Variants in NOPCHAP1 observed in about 807,000 individuals in gnomAD.
The protein encoded by NOPCHAP1 is DNA damage-sensitive RNA 1.
In NOPCHAP1, 13 loss-of-function variants were observed where a neutral mutation model predicts 14.0. The ratio of observed to expected loss-of-function variants is 0.93; its 90% CI spans 0.60 to 1.47. The LOEUF (loss-of-function observed/expected upper bound fraction) is 1.47. NOPCHAP1 is among the 40% of genes most tolerant of loss of function. The pLI is 0.00. For synonymous variants in NOPCHAP1, 78 were observed against 78.4 expected, an observed-to-expected ratio of 1.00 and a Z score of 0.03; for missense variants, 230 against 226.9, an observed-to-expected ratio of 1.01 and a Z score of -0.09.
Position 104,994,415 on chromosome 12 carries a change from G to A in NOPCHAP1, c.340-63G>A, listed in dbSNP as rs529299864. The A allele has an allele frequency of 5.3e-5, 74 of 1,397,978 alleles. No individual in the cohort carries two copies. The African/African-American group carries it at 9.2e-4, about 17-fold the overall frequency. The allele number at this position is 1,397,978 out of a possible 1,614,324, so 86.6% of individuals were successfully genotyped here. On this transcript the variant is annotated intron_variant, in intron 3 of 3. Transcript: ENST00000552951. ...CTGAATGTTGGTTCTTCCCAATATT[G>A]TTTTATTACGACTTTTTAAGGAACT...
In NOPCHAP1 at chr12:105,007,145, T is replaced by A. The variant is rs912193238; in HGVS notation, c.*12449T>A. 6.6e-6 allele frequency: 1 copy of A among 152,148 alleles called. No homozygotes were observed. The highest frequency in any genetic ancestry group is 2.4e-5 in the African/African-American group (1 of 41,438). 9.4% of individuals were successfully genotyped at this position (152,148 alleles called of 1,614,324 possible). On this transcript the variant is annotated 3_prime_UTR_variant, in exon 4 of 4. Transcript: ENST00000552951. ...TGCTCTATGTTGTCATTTAATAACT[T>A]CCCTGTTTTTCAAATCATATGAGAG...
At position 105,000,056 on chromosome 12, in the gene NOPCHAP1, A is replaced by G. The variant is rs1340427246; in HGVS notation, c.*5360A>G. Reference sequence around the variant, plus strand: ...TTCCCTTTATAGCATAATGTGTATAACCACATTTAGTGGAAAAGCACCTTA... The same window carrying G: ...TTCCCTTTATAGCATAATGTGTATAGCCACATTTAGTGGAAAAGCACCTTA... On this transcript the variant is annotated 3_prime_UTR_variant, in exon 4 of 4. Coordinates refer to ENST00000552951, the MANE Select transcript of NOPCHAP1 (RefSeq NM_152318.3). 1 of 152,152 alleles carries G rather than the reference A, an allele frequency of 6.6e-6. No homozygotes were observed. The highest frequency in any genetic ancestry group is 2.4e-5 in the African/African-American group (1 of 41,422). 9.4% of individuals were successfully genotyped at this position (152,152 alleles called of 1,614,324 possible).
At position 105,007,531 on chromosome 12, in the gene NOPCHAP1, C is replaced by G. The variant is rs1296145324; in HGVS notation, c.*12835C>G. The G allele has an allele frequency of 6.6e-6, 1 of 152,158 alleles. No homozygotes were observed. 9.4% of individuals were successfully genotyped at this position (152,158 alleles called of 1,614,324 possible). On this transcript the variant is annotated 3_prime_UTR_variant, in exon 4 of 4. Coordinates refer to ENST00000552951, the MANE Select transcript of NOPCHAP1 (RefSeq NM_152318.3). ...ACAATATTGCACTAAAGACGAAGAA[C>G]ATGCGATAACCATAAGAGATCACTT...
chr12:105,000,815 T>C lies in NOPCHAP1; in HGVS notation c.*6119T>C, dbSNP rs973347561. Reference sequence around the variant, plus strand: ...CTTTTTTTTTAACCTGGTGAAAATATACTTTGGCATAATACATTAAGGCCT... The same window carrying C: ...CTTTTTTTTTAACCTGGTGAAAATACACTTTGGCATAATACATTAAGGCCT... On this transcript the variant is annotated 3_prime_UTR_variant, in exon 4 of 4. Coordinates refer to ENST00000552951, the MANE Select transcript of NOPCHAP1 (RefSeq NM_152318.3). The C allele has an allele frequency of 6.6e-6, 1 of 152,064 alleles. No homozygotes were observed. The highest frequency in any genetic ancestry group is 1.5e-5 in the Non-Finnish European group (1 of 68,018). The allele number at this position is 152,064 out of a possible 1,614,324, so 9.4% of individuals were successfully genotyped here.
Position 105,006,605 on chromosome 12 carries a change from C to T in NOPCHAP1, c.*11909C>T, listed in dbSNP as rs1026757993. ...TTTTTGTTGTAAACCAGAAGACTGGCAACTCGTATTTATCTTTTCCCTTCC... is the reference window on the plus strand; with the variant it reads ...TTTTTGTTGTAAACCAGAAGACTGGTAACTCGTATTTATCTTTTCCCTTCC... On this transcript the variant is annotated 3_prime_UTR_variant, in exon 4 of 4. Transcript: ENST00000552951. 6.6e-6 allele frequency: 1 copy of T among 152,220 alleles called. No individual in the cohort carries two copies. Among genetic ancestry groups the T allele is most frequent in the Non-Finnish European group, 1.5e-5 (1 of 68,052 alleles). The allele number at this position is 152,220 out of a possible 1,614,324, so 9.4% of individuals were successfully genotyped here. A position where few individuals can be genotyped will look rare whatever the true frequency, so the allele number is the denominator to read the frequency against.
rs1873630458 is a variant in NOPCHAP1, at chr12:105,002,645, T to A, written c.*7949T>A. ...TACTCTTGATGAGGTTTTGGGGGAG[T>A]CTTTAATATCCTGATTAAGTTTTTC... On this transcript the variant is annotated 3_prime_UTR_variant, in exon 4 of 4. Transcript: ENST00000552951. 6.6e-6 allele frequency: 1 copy of A among 152,100 alleles called. No homozygotes were observed. Among genetic ancestry groups the A allele is most frequent in the South Asian group, 2.1e-4 (1 of 4,812 alleles). 9.4% of individuals were successfully genotyped at this position (152,100 alleles called of 1,614,324 possible).
In NOPCHAP1 at chr12:105,004,350, C is replaced by T. The variant is rs1873666688; in HGVS notation, c.*9654C>T. ...CTTTGGGAGGCCAAGGTGGGCAGAT[C>T]ACGAGGTCAGGAGTTTGAGACCTGC... On this transcript the variant is annotated 3_prime_UTR_variant, in exon 4 of 4. Transcript: ENST00000552951. The T allele has an allele frequency of 6.6e-6, 1 of 152,164 alleles. No homozygotes were observed. Among genetic ancestry groups the T allele is most frequent in the Non-Finnish European group, 1.5e-5 (1 of 68,032 alleles). The allele number at this position is 152,164 out of a possible 1,614,324, so 9.4% of individuals were successfully genotyped here. A position where few individuals can be genotyped will look rare whatever the true frequency, so the allele number is the denominator to read the frequency against.
chr12:104,991,179 G>A (rs1404771738), intron 2 of NOPCHAP1, among the ~76,000 whole-genome samples: 4 of 152,204 alleles, frequency 2.6e-5, no homozygotes, highest in African/African-American at 9.6e-5. Context: ...TGGTACAGTG[G>A]CCAAGGATAT....
Position 104,998,450 on chromosome 12 carries a change from G to C in NOPCHAP1, c.*3754G>C, listed in dbSNP as rs1873539819. ...TTTCTAGAAGGTTTTCAGGGGCCAAGGCTCAACTCAGGATTCCTGGACTGT... is the reference window on the plus strand; with the variant it reads ...TTTCTAGAAGGTTTTCAGGGGCCAACGCTCAACTCAGGATTCCTGGACTGT... On this transcript the variant is annotated 3_prime_UTR_variant, in exon 4 of 4. Coordinates refer to ENST00000552951, the MANE Select transcript of NOPCHAP1 (RefSeq NM_152318.3). 1 of 152,192 alleles carries C rather than the reference G, an allele frequency of 6.6e-6. No homozygotes were observed. Among genetic ancestry groups the C allele is most frequent in the Non-Finnish European group, 1.5e-5 (1 of 68,050 alleles). 9.4% of individuals were successfully genotyped at this position (152,192 alleles called of 1,614,324 possible). A position where few individuals can be genotyped will look rare whatever the true frequency, so the allele number is the denominator to read the frequency against.
At chr12:104,990,844 A>G (rs1313149956) in intron 2 of NOPCHAP1, among the ~76,000 whole-genome samples, 1 of 152,210 alleles carries the variant, frequency 6.6e-6, no homozygotes, top group East Asian at 1.9e-4. Flanking sequence ...AAGCAAAAAA[A>G]GAAATTATGT....
chr12:104,997,586 G>A lies in NOPCHAP1; in HGVS notation c.*2890G>A, dbSNP rs762397883. On this transcript the variant is annotated 3_prime_UTR_variant, in exon 4 of 4. Coordinates refer to ENST00000552951, the MANE Select transcript of NOPCHAP1 (RefSeq NM_152318.3). The stretch of plus-strand genomic sequence containing the variant: ...GACAGTTCTGCTGTTAGCCTGATGG[G>A]TTTCCCTTTGTAGGTGACTTGCCCC... 1 of 152,182 alleles carries A rather than the reference G, an allele frequency of 6.6e-6. No individual in the cohort carries two copies. The highest frequency in any genetic ancestry group is 2.4e-5 in the African/African-American group (1 of 41,446). 9.4% of individuals were successfully genotyped at this position (152,182 alleles called of 1,614,324 possible).
rs1873701787 is a variant in NOPCHAP1, at chr12:105,006,008, C to T, written c.*11312C>T. On this transcript the variant is annotated 3_prime_UTR_variant, in exon 4 of 4. Transcript: ENST00000552951. ...TCCATCAAGCTGTCTTCTGTTAATT[C>T]CTCTGGTGTGATGTCTGTTAGCTTT... The T allele has an allele frequency of 6.6e-6, 1 of 152,268 alleles. No homozygotes were observed. Among genetic ancestry groups the T allele is most frequent in the Non-Finnish European group, 1.5e-5 (1 of 68,036 alleles). 9.4% of individuals were successfully genotyped at this position (152,268 alleles called of 1,614,324 possible). A position where few individuals can be genotyped will look rare whatever the true frequency, so the allele number is the denominator to read the frequency against.
At position 105,000,226 on chromosome 12, in the gene NOPCHAP1, G is replaced by C. The variant is rs1220148628; in HGVS notation, c.*5530G>C. On this transcript the variant is annotated 3_prime_UTR_variant, in exon 4 of 4. Transcript: ENST00000552951. ...GATGTTCTATATTTGATAGTGGTTA[G>C]GTTATTAATTGGAAAGGTTGGGATA... The C allele has an allele frequency of 6.6e-6, 1 of 152,180 alleles. No homozygotes were observed. The highest frequency in any genetic ancestry group is 1.5e-5 in the Non-Finnish European group (1 of 68,034). 9.4% of individuals were successfully genotyped at this position (152,180 alleles called of 1,614,324 possible).
rs1320599713 is a variant in NOPCHAP1, at chr12:104,996,954, C to T, written c.*2258C>T. On this transcript the variant is annotated 3_prime_UTR_variant, in exon 4 of 4. Coordinates refer to ENST00000552951, the MANE Select transcript of NOPCHAP1 (RefSeq NM_152318.3). The stretch of plus-strand genomic sequence containing the variant: ...TTTGCTTGGTAGAGTTTTCTCCATC[C>T]CTTTACTTTGAGCTTCTGAGTGTCA... 4 of 152,102 alleles carry T rather than the reference C, an allele frequency of 2.6e-5. No homozygotes were observed. Among genetic ancestry groups the T allele is most frequent in the Non-Finnish European group, 4.4e-5 (3 of 68,044 alleles). 9.4% of individuals were successfully genotyped at this position (152,102 alleles called of 1,614,324 possible).
chr12:104,990,969 C>T (rs557441403), intron 2 of NOPCHAP1, among the ~76,000 whole-genome samples: 1 of 152,140 alleles, frequency 6.6e-6, no homozygotes, highest in Non-Finnish European at 1.5e-5. Context: ...TTCTGCTTTC[C>T]TGGGTATTGG....
chr12:104,992,257 C>T (rs1028969424), intron 3 of NOPCHAP1, among the ~76,000 whole-genome samples: 55 of 152,074 alleles, frequency 3.6e-4, no homozygotes, highest in African/African-American at 1.3e-3. Context: ...AGTGGAATTC[C>T]GTTTATAATA....
rs976465092 is a variant in NOPCHAP1 at position 105,010,197 on chromosome 12, G to C, written c.*15501G>C. 6.6e-6 allele frequency: 1 copy of C among 152,120 alleles called. No individual in the cohort carries two copies. The highest frequency in any genetic ancestry group is 6.5e-5 in the Admixed American group (1 of 15,284). 9.4% of individuals were successfully genotyped at this position (152,120 alleles called of 1,614,324 possible). Reference sequence around the variant, plus strand: ...GTTTTCCTGGTTTAATCTTGGGAGAGTGTATGTGTCCAGGAATTTATCCAT... The same window carrying C: ...GTTTTCCTGGTTTAATCTTGGGAGACTGTATGTGTCCAGGAATTTATCCAT... On this transcript the variant is annotated 3_prime_UTR_variant, in exon 4 of 4. Transcript: ENST00000552951.
intron 3 of NOPCHAP1, among the ~76,000 whole-genome samples, chr12:104,993,063 T>G (rs745398951): frequency 2.6e-5 from 4 of 152,226 alleles, no homozygotes; most frequent in Non-Finnish European, 5.9e-5. Flanking sequence ...ACTCCCTCTG[T>G]TTCTTTTCAG....
Position 104,999,576 on chromosome 12 carries a change from A to AGG in NOPCHAP1, c.*4883_*4884dup, listed in dbSNP as rs563180839. 1.3e-5 allele frequency: 2 copies of AGG among 152,328 alleles called. No individual in the cohort carries two copies. Among genetic ancestry groups the AGG allele is most frequent in the African/African-American group, 2.4e-5 (1 of 41,442 alleles). 9.4% of individuals were successfully genotyped at this position (152,328 alleles called of 1,614,324 possible). On this transcript the variant is annotated 3_prime_UTR_variant, in exon 4 of 4. Transcript: ENST00000552951. Reference sequence around the variant, plus strand: ...AGTTCCTCTAGGGTTGAAGTCTCTTAGGGGAGCAAGGTGAGTCATGGGTGA... The same window carrying AGG: ...AGTTCCTCTAGGGTTGAAGTCTCTTAGGGGGGAGCAAGGTGAGTCATGGGTGA...
Sources: allele counts gnomAD v4.1 joint callset (sites outside exome capture counted in the v4.1 genomes callset), GRCh38; gene constraint gnomAD v4.1.1; transcripts MANE v1.5; gene names NCBI Gene and HGNC (gene_info 2026-07-23, HGNC 2026-07-21).